Variants in SH3KBP1 observed in about 807,000 individuals in gnomAD.
SH3KBP1 encodes SH3 domain containing kinase binding protein 1.
Under a neutral mutation model 50.1 loss-of-function variants are expected in SH3KBP1, and 8 were observed. That is an observed-to-expected ratio of 0.16 (90% CI 0.09 to 0.29). SH3KBP1 has a LOEUF of 0.29. SH3KBP1 is among the 10% of genes least tolerant of loss of function. The pLI is 1.00. For missense variants in SH3KBP1, 377 were observed against 535.2 expected (o/e 0.70, Z 2.92); for synonymous variants, 227 against 218.6 (o/e 1.04, Z -0.34).
At chrX:19,572,278 TTA>T (rs1205975340) in intron 12 of SH3KBP1, among the ~76,000 whole-genome samples, 4 of 106,832 alleles carry the variant, frequency 3.7e-5, no homozygotes, top group South Asian at 3.8e-4. Flanking sequence ...AGAGTATATG[TTA>T]TATATAGTCA....
At chrX:19,812,053 T>C (rs1044870922) in intron 2 of SH3KBP1, among the ~76,000 whole-genome samples, 1 of 111,590 alleles carries the variant, frequency 9.0e-6, no homozygotes, top group African/African-American at 3.3e-5. Context: ...AGGATGTGGT[T>C]TGACTCGGAC....
chrX:19,758,086 G>C (rs2065263996), intron 2 of SH3KBP1, among the ~76,000 whole-genome samples: 1 of 110,475 alleles, frequency 9.1e-6, no homozygotes, highest in Non-Finnish European at 1.9e-5. Flanking sequence ...AGCACTCTGA[G>C]AGGCCAAGGT....
chrX:19,856,505 T>G (rs181284113), intron 1 of SH3KBP1, among the ~76,000 whole-genome samples: 1 of 111,879 alleles, frequency 8.9e-6, no homozygotes, highest in Non-Finnish European at 1.9e-5. Flanking sequence ...CACTTCCTTT[T>G]CTCACCTCGA....
chrX:19,829,446 A>G (rs1453151998), intron 2 of SH3KBP1, among the ~76,000 whole-genome samples: 12 of 109,626 alleles, frequency 1.1e-4, no homozygotes, highest in African/African-American at 4.0e-4. Flanking sequence ...AATGAAAGCA[A>G]ATTTATTAAG....
chrX:19,736,906 CTT>C (rs147253839), intron 3 of SH3KBP1, among the ~76,000 whole-genome samples: 37 of 96,333 alleles, frequency 3.8e-4, no homozygotes, highest in African/African-American at 8.7e-4. Flanking sequence ...CCTCTAATTA[CTT>C]TTTTTTTTTT....
intron 12 of SH3KBP1, among the ~76,000 whole-genome samples, chrX:19,569,671 C>T (rs918861183): frequency 5.4e-5 from 6 of 111,883 alleles, no homozygotes; most frequent in African/African-American, 1.9e-4. Flanking sequence ...CACAAGGTGT[C>T]GAGTTGAGAT....
At chrX:19,733,817 T>C (rs1435550598) in intron 3 of SH3KBP1, among the ~76,000 whole-genome samples, 1 of 111,553 alleles carries the variant, frequency 9.0e-6, no homozygotes. Context: ...GCAAAGATTA[T>C]TAACAAATGA....
intron 1 of SH3KBP1, among the ~76,000 whole-genome samples, chrX:19,864,668 G>A (rs1286961955): frequency 8.9e-6 from 1 of 112,185 alleles, no homozygotes; most frequent in African/African-American, 3.2e-5. Flanking sequence ...TCAGCACTTT[G>A]ATTTTAGCCC....
At chrX:19,789,161 GA>G (rs1404889017) in intron 2 of SH3KBP1, among the ~76,000 whole-genome samples, 1 of 111,587 alleles carries the variant, frequency 9.0e-6, no homozygotes, top group Non-Finnish European at 1.9e-5. Context: ...GAAAGAAAAA[GA>G]AAAACCTCAA....
chrX:19,627,723 A>G (rs1272240046), intron 8 of SH3KBP1, among the ~76,000 whole-genome samples: 2 of 112,229 alleles, frequency 1.8e-5, no homozygotes, highest in African/African-American at 6.5e-5. Context: ...AGAAAGCCAC[A>G]TGAACTGACA....
rs61439964 is a variant in SH3KBP1 at position 19,766,483 on chromosome X, C to CTTTTT, written c.163-20047_163-20043dup. ...TGCACTTTGAGTCTGTTGATTGCAT[C>CTTTTT]TTTTTTTTTTTTTTTTTTTTTTTTT... On this transcript the variant is annotated intron_variant, in intron 2 of 17. Transcript: ENST00000397821. Among the ~76,000 whole-genome samples, 58 of 22,587 alleles carry CTTTTT rather than the reference C, an allele frequency of 2.6e-3. 22 individuals are homozygous for CTTTTT. Among genetic ancestry groups the CTTTTT allele is most frequent in the East Asian group, 6.6e-3 (4 of 605 alleles). 19.6% of individuals were successfully genotyped at this position (22,587 alleles called of 115,157 possible).
At chrX:19,658,127 G>A (rs776004994) in intron 6 of SH3KBP1, among the ~76,000 whole-genome samples, 4 of 111,539 alleles carry the variant, frequency 3.6e-5, no homozygotes, top group Non-Finnish European at 7.5e-5. Context: ...CAGGAATGTC[G>A]ATTAGAATGG....
At chrX:19,652,859 C>CA (rs1341187321) in intron 6 of SH3KBP1, among the ~76,000 whole-genome samples, 45 of 112,050 alleles carry the variant, frequency 4.0e-4, no homozygotes, top group African/African-American at 1.1e-3. Context: ...CCTCTTATTG[C>CA]ACCTTCTCAT....
intron 2 of SH3KBP1, among the ~76,000 whole-genome samples, chrX:19,800,657 G>A (rs961367424): frequency 6.2e-5 from 7 of 112,083 alleles, no homozygotes; most frequent in South Asian, 3.7e-4. Context: ...AAACTTCAGC[G>A]AACTTCTTGA....
At chrX:19,609,244 C>T (rs750575632) in intron 8 of SH3KBP1, among the ~76,000 whole-genome samples, 77 of 112,181 alleles carry the variant, frequency 6.9e-4, no homozygotes, top group Admixed American at 1.6e-3. Flanking sequence ...AATTCCACTT[C>T]TACCGCCTGA....
chrX:19,644,561 A>C (rs1006061062), intron 7 of SH3KBP1, among the ~76,000 whole-genome samples: 2 of 112,235 alleles, frequency 1.8e-5, no homozygotes, highest in African/African-American at 6.5e-5. Context: ...TATGGTTGCC[A>C]CTAGGCACAC....
chrX:19,588,100 G>A (rs1357654083), intron 12 of SH3KBP1, among the ~76,000 whole-genome samples: 1 of 111,788 alleles, frequency 8.9e-6, no homozygotes, highest in Non-Finnish European at 1.9e-5. Context: ...ACACATGCCT[G>A]CATAAAGCAT....
intron 3 of SH3KBP1, among the ~76,000 whole-genome samples, chrX:19,740,054 T>A (rs1253293359): frequency 9.0e-6 from 1 of 111,303 alleles, no homozygotes; most frequent in Non-Finnish European, 1.9e-5. Context: ...ACCGATTTTA[T>A]CAATGACCCA....
At chrX:19,708,657 A>G (rs1027779355) in intron 3 of SH3KBP1, among the ~76,000 whole-genome samples, 2 of 112,102 alleles carry the variant, frequency 1.8e-5, no homozygotes, top group Non-Finnish European at 3.8e-5. Flanking sequence ...TCATTCTAGC[A>G]AAGAAAGTCT....
Sources: gnomAD v4.1 joint callset for allele counts (sites outside exome capture counted in the v4.1 genomes callset) on GRCh38, gnomAD v4.1.1 for gene constraint, MANE v1.5 for transcripts, NCBI Gene and HGNC (gene_info 2026-07-23, HGNC 2026-07-21) for gene names.